Variants in TRAPPC9 observed in about 807,000 individuals in gnomAD.
The protein encoded by TRAPPC9 is IKK2 binding protein.
Under a neutral mutation model 124.0 loss-of-function variants are expected in TRAPPC9, and 83 were observed. The ratio of observed to expected loss-of-function variants is 0.67; its 90% CI spans 0.56 to 0.80. The LOEUF (loss-of-function observed/expected upper bound fraction) is 0.80. Among genes scored for constraint, TRAPPC9 ranks in the 30% least tolerant of loss-of-function variants. The pLI, the probability that TRAPPC9 is intolerant of heterozygous loss-of-function variation, is 0.00. For missense variants in TRAPPC9, 1,302 were observed against 1,508.3 expected (o/e 0.86, Z 2.27); for synonymous variants, 638 against 617.5 (o/e 1.03, Z -0.49).
chr8:139,904,265 C>T (rs1587155185), intron 20 of TRAPPC9, among the ~76,000 whole-genome samples: 1 of 152,292 alleles, frequency 6.6e-6, no homozygotes, highest in Non-Finnish European at 1.5e-5. Context: ...ATTTTCTGTA[C>T]TAATTAAAGA....
intron 9 of TRAPPC9, among the ~76,000 whole-genome samples, chr8:140,356,767 G>A (rs1400546707): frequency 6.6e-6 from 1 of 151,838 alleles, no homozygotes; most frequent in African/African-American, 2.4e-5. Context: ...GCACCACCTC[G>A]CCCGGTTAAT....
intron 17 of TRAPPC9, among the ~76,000 whole-genome samples, chr8:140,117,404 A>G (rs2060909280): frequency 6.6e-6 from 1 of 152,182 alleles, no homozygotes; most frequent in Admixed American, 6.5e-5. Context: ...TCCAAGATCA[A>G]GGCTTTAGCA....
chr8:139,985,828 A>G (rs1009532275), intron 19 of TRAPPC9, among the ~76,000 whole-genome samples: 12 of 152,256 alleles, frequency 7.9e-5, no homozygotes, highest in African/African-American at 2.7e-4. Context: ...GCATATTTAC[A>G]CAATGAAATA....
At chr8:139,878,067 G>T (rs1829442789) in intron 21 of TRAPPC9, among the ~76,000 whole-genome samples, 1 of 152,162 alleles carries the variant, frequency 6.6e-6, no homozygotes, top group Non-Finnish European at 1.5e-5. Context: ...CACAGAAAAG[G>T]CTCTAGAAAA....
At chr8:140,186,426 A>G (rs910149396) in intron 17 of TRAPPC9, among the ~76,000 whole-genome samples, 20 of 151,916 alleles carry the variant, frequency 1.3e-4, no homozygotes, top group Non-Finnish European at 2.4e-4. Flanking sequence ...TCTACTAAAA[A>G]TACAAAAAAA....
intron 9 of TRAPPC9, among the ~76,000 whole-genome samples, chr8:140,346,521 T>A (rs561348847): frequency 6.6e-6 from 1 of 152,238 alleles, no homozygotes; most frequent in Non-Finnish European, 1.5e-5. Context: ...ACCACAATTT[T>A]ACATGCAAAA....
At chr8:140,124,795 T>C (rs577002662) in intron 17 of TRAPPC9, among the ~76,000 whole-genome samples, 28 of 152,244 alleles carry the variant, frequency 1.8e-4, no homozygotes, top group African/African-American at 6.3e-4. Context: ...GAGGGCAGCA[T>C]ATACCTGGCA....
At chr8:140,272,232 T>G in intron 15 of TRAPPC9, among the ~76,000 whole-genome samples, 1 of 96,172 alleles carries the variant, frequency 1.0e-5, no homozygotes, top group African/African-American at 4.1e-5. Context: ...GTGTTGATAG[T>G]GGTAGTGGTG....
intron 19 of TRAPPC9, among the ~76,000 whole-genome samples, chr8:139,936,168 C>T (rs537122517): frequency 6.6e-6 from 1 of 152,354 alleles, no homozygotes; most frequent in East Asian, 1.9e-4. Context: ...TTTGAGATAG[C>T]GCCTACCAGA....
At chr8:140,292,976 G>A (rs1307046576) in intron 11 of TRAPPC9, among the ~76,000 whole-genome samples, 9 of 143,164 alleles carry the variant, frequency 6.3e-5, no homozygotes, top group African/African-American at 2.4e-4. Context: ...TCTGACAAAG[G>A]GCTAATATCC....
At chr8:139,951,053 C>A (rs755703350) in intron 19 of TRAPPC9, among the ~76,000 whole-genome samples, 1 of 152,172 alleles carries the variant, frequency 6.6e-6, no homozygotes, top group Non-Finnish European at 1.5e-5. Context: ...ACATCCCCAC[C>A]GCCACCTCCC....
At chr8:140,210,335 G>A (rs545102849) in intron 17 of TRAPPC9, among the ~76,000 whole-genome samples, 15 of 152,324 alleles carry the variant, frequency 9.8e-5, no homozygotes, top group South Asian at 2.1e-4. Flanking sequence ...TGTGGTGAAC[G>A]CGCACCGTCA....
chr8:140,272,880 T>G (rs1320749537), intron 15 of TRAPPC9, among the ~76,000 whole-genome samples: 1 of 67,350 alleles, frequency 1.5e-5, no homozygotes, highest in Non-Finnish European at 3.3e-5. Context: ...CAGACCCCCC[T>G]CCAACACTGG....
At chr8:140,295,130 C>T (rs2065771350) in intron 11 of TRAPPC9, among the ~76,000 whole-genome samples, 1 of 152,248 alleles carries the variant, frequency 6.6e-6, no homozygotes, top group East Asian at 1.9e-4. Context: ...CAGGCAGTGG[C>T]GTTTATTGAC....
At chr8:140,272,752 G>A (rs2064996220) in intron 15 of TRAPPC9, among the ~76,000 whole-genome samples, 1 of 151,918 alleles carries the variant, frequency 6.6e-6, no homozygotes, top group African/African-American at 2.4e-5. Context: ...GGAGGCACCA[G>A]GCTCTTTCGA....
chr8:140,433,372 T>C (rs1373600530), intron 4 of TRAPPC9, among the ~76,000 whole-genome samples: 1 of 152,050 alleles, frequency 6.6e-6, no homozygotes, highest in Non-Finnish European at 1.5e-5. Flanking sequence ...GCAGATCACT[T>C]ATGGTCTGGA....
chr8:139,828,455 G>A (rs1432294135), intron 21 of TRAPPC9, among the ~76,000 whole-genome samples: 1 of 152,194 alleles, frequency 6.6e-6, no homozygotes, highest in Non-Finnish European at 1.5e-5. Flanking sequence ...GCACACCAAA[G>A]GTTGTCAATT....
At chr8:140,312,297 G>A (rs1245803010) in intron 9 of TRAPPC9, among the ~76,000 whole-genome samples, 5 of 152,294 alleles carry the variant, frequency 3.3e-5, no homozygotes, top group African/African-American at 1.2e-4. Context: ...TTGGAGAGAA[G>A]AGCAGCAGAG....
intron 21 of TRAPPC9, among the ~76,000 whole-genome samples, chr8:139,815,033 C>T (rs983552688): frequency 4.6e-5 from 7 of 152,190 alleles, no homozygotes; most frequent in South Asian, 2.1e-4. Context: ...CACCTGGGCC[C>T]GACTCTTAGC....
Sources: allele counts gnomAD v4.1 joint callset (sites outside exome capture counted in the v4.1 genomes callset), GRCh38; gene constraint gnomAD v4.1.1; transcripts MANE v1.5; gene names NCBI Gene and HGNC (gene_info 2026-07-23, HGNC 2026-07-21).